The following ACACA variants were observed in gnomAD, a reference collection of about 807,000 sequenced individuals.
ACACA encodes acetyl-CoA carboxylase 1.
Under a neutral mutation model 296.1 loss-of-function variants are expected in ACACA, and 103 were observed. That is an observed-to-expected ratio of 0.35 (90% CI 0.30 to 0.41). The LOEUF is 0.41. Ranked by LOEUF, ACACA falls within the 10% of genes least tolerant of loss-of-function variation. ACACA has a pLI of 1.00. For synonymous variants in ACACA, 953 were observed against 1,038.6 expected, an observed-to-expected ratio of 0.92 and a Z score of 1.58; for missense variants, 1,554 against 2,989.7, an observed-to-expected ratio of 0.52 and a Z score of 11.20.
chr17:37,396,994 C>G (rs564594498), intron 1 of ACACA, among the ~76,000 whole-genome samples: 157 of 152,160 alleles, frequency 1.0e-3, no homozygotes, highest in African/African-American at 3.7e-3. Flanking sequence ...CCCATTAACT[C>G]GTCATTTACA....
intron 1 of ACACA, among the ~76,000 whole-genome samples, chr17:37,373,820 G>T (rs1379172740): frequency 2.0e-5 from 3 of 152,120 alleles, no homozygotes; most frequent in African/African-American, 7.2e-5. Flanking sequence ...TAATACCTCA[G>T]GGGAGCAGAG....
At position 37,186,254 on chromosome 17, in the gene ACACA, T is replaced by C. The variant is rs564361570; in HGVS notation, c.4776+2023A>G. Reference sequence around the variant, plus strand: ...TCACCAGAAGCCATCAAAATTATTTTAGAAAATAATTTCTGACCCATAGTC... The same window carrying C: ...TCACCAGAAGCCATCAAAATTATTTCAGAAAATAATTTCTGACCCATAGTC... On this transcript the variant is annotated intron_variant, in intron 39 of 55. Coordinates refer to ENST00000616317, the MANE Select transcript of ACACA (RefSeq NM_198834.3). 2.6e-5 allele frequency among the ~76,000 whole-genome samples: 4 copies of C among 152,370 alleles called. No individual in the cohort carries two copies. In the South Asian group the frequency reaches 8.3e-4, roughly 32 times the overall value.
chr17:37,090,575 G>C (rs1263371918), intron 54 of ACACA, among the ~76,000 whole-genome samples: 1 of 152,132 alleles, frequency 6.6e-6, no homozygotes, highest in Non-Finnish European at 1.5e-5. Context: ...GCCTGGGTTA[G>C]GACTCCCAGC....
chr17:37,203,072 T>C lies in ACACA; in HGVS notation c.4057-2589A>G, dbSNP rs1009252316. 1.8e-4 allele frequency among the ~76,000 whole-genome samples: 28 copies of C among 151,960 alleles called. No homozygotes were observed. The East Asian group carries it at 5.5e-3, about 30-fold the overall frequency. Reference sequence around the variant, plus strand: ...CCGCCCCCAGGTTCAAGCGATTCTCTTGCCTTAGCCACCCGAGTAGCTGGC... The same window carrying C: ...CCGCCCCCAGGTTCAAGCGATTCTCCTGCCTTAGCCACCCGAGTAGCTGGC... On this transcript the variant is annotated intron_variant, in intron 33 of 55. Transcript: ENST00000616317.
intron 13 of ACACA, 27 bp from the exon 14 acceptor site, chr17:37,257,893 C>A: frequency 6.2e-7 from 1 of 1,611,732 alleles, no homozygotes; most frequent in Non-Finnish European, 8.5e-7. Flanking sequence ...AATGAGAGAC[C>A]ATATTATGTT....
intron 1 of ACACA, among the ~76,000 whole-genome samples, chr17:37,349,792 C>T (rs2048813010): frequency 6.6e-6 from 1 of 151,986 alleles, no homozygotes; most frequent in African/African-American, 2.4e-5. Flanking sequence ...CTTCTGACCT[C>T]AAGTGATCCG....
At chr17:37,181,981 C>G (rs891594298) in intron 39 of ACACA, among the ~76,000 whole-genome samples, 1 of 149,392 alleles carries the variant, frequency 6.7e-6, no homozygotes, top group Non-Finnish European at 1.5e-5. Flanking sequence ...GACAGACTGA[C>G]CATGCTAGCC....
chr17:37,162,322 C>G (rs890531976), intron 41 of ACACA, among the ~76,000 whole-genome samples: 3 of 152,154 alleles, frequency 2.0e-5, no homozygotes, highest in African/African-American at 7.2e-5. Flanking sequence ...AATCTAAATG[C>G]ACTCAGGATA....
At chr17:37,211,120 C>T (rs897830028) in intron 29 of ACACA, among the ~76,000 whole-genome samples, 4 of 152,066 alleles carry the variant, frequency 2.6e-5, no homozygotes, top group Non-Finnish European at 5.9e-5. Flanking sequence ...ATTCTAGGAG[C>T]TTAAAAGAAC....
Position 37,122,641 on chromosome 17 carries a change from A to G in ACACA, c.6042-14T>C, listed in dbSNP as rs761957146. On this transcript the variant is annotated splice_polypyrimidine_tract_variant and intron_variant, in intron 48 of 55. Transcript: ENST00000616317. ...ATTCCTCCTAGCCTGATAAAACATG[A>G]GTCACATAAGAACCCAATGTATGTC... 6.7e-5 allele frequency: 107 copies of G among 1,608,552 alleles called. No individual in the cohort carries two copies. The highest frequency in any genetic ancestry group is 8.6e-5 in the Non-Finnish European group (101 of 1,174,942).
chr17:37,215,104 C>T (rs1458894710), intron 29 of ACACA, among the ~76,000 whole-genome samples: 1 of 152,154 alleles, frequency 6.6e-6, no homozygotes, highest in Non-Finnish European at 1.5e-5. Context: ...AAAACACATG[C>T]TATCAGGGGA....
At position 37,334,733 on chromosome 17, in the gene ACACA, G is replaced by A. The variant is rs551076669; in HGVS notation, c.86-4308C>T. On this transcript the variant is annotated intron_variant, in intron 2 of 55. Transcript: ENST00000616317. ...CCCCCTTTCACTCTCACTGCACCCC[G>A]TCCATGCCACTGCACCCCGTCCATG... is the stretch of plus-strand genomic sequence containing the variant. Among the ~76,000 whole-genome samples, 7 of 147,654 alleles carry A rather than the reference G, an allele frequency of 4.7e-5. No homozygotes were observed. The South Asian group carries it at 8.6e-4, about 18-fold the overall frequency.
intron 45 of ACACA, chr17:37,144,283 T>C: frequency 3.3e-6 from 2 of 602,248 alleles, no homozygotes. Flanking sequence ...TAGGATCTCC[T>C]TTGCCCATGT....
chr17:37,262,335 T>C (rs1296096204), intron 11 of ACACA, among the ~76,000 whole-genome samples: 3 of 152,212 alleles, frequency 2.0e-5, no homozygotes, highest in Admixed American at 1.3e-4. Flanking sequence ...GACTTCAAGA[T>C]CATGCTTCCA....
Position 37,113,042 on chromosome 17 carries a change from A to G in ACACA, c.6452+46T>C. The G allele has an allele frequency of 1.2e-6, 2 of 1,610,584 alleles. No homozygotes were observed. Among genetic ancestry groups the G allele is most frequent in the Non-Finnish European group, 1.7e-6 (2 of 1,177,754 alleles). ...ATTCTCCAGGAGGAAACCAACAGCTACAGGGTCCCTAAAGGCAGTGAATGG... is the reference window on the plus strand; with the variant it reads ...ATTCTCCAGGAGGAAACCAACAGCTGCAGGGTCCCTAAAGGCAGTGAATGG... On this transcript the variant is annotated intron_variant, in intron 51 of 55. Coordinates refer to ENST00000616317, the MANE Select transcript of ACACA (RefSeq NM_198834.3). This position sits in a 1 kb window ranked among gnomAD's most constrained non-coding sequence, Gnocchi z 4.0.
At chr17:37,346,834 T>C (rs866365405) in intron 1 of ACACA, among the ~76,000 whole-genome samples, 3 of 152,222 alleles carry the variant, frequency 2.0e-5, no homozygotes, top group Admixed American at 6.5e-5. Context: ...TGTATTTCCA[T>C]TGTATCTAGG....
chr17:37,101,440 G>C (rs538431180), intron 52 of ACACA, among the ~76,000 whole-genome samples: 1 of 149,948 alleles, frequency 6.7e-6, no homozygotes, highest in South Asian at 2.1e-4. Context: ...AACCTTAGGA[G>C]TCTGGTATTC....
At chr17:37,402,018 C>G (rs878520) in intron 1 of ACACA, among the ~76,000 whole-genome samples, 111,996 of 152,106 alleles carry the variant, frequency 0.74, 42,026 homozygotes, top group East Asian at 0.97. Flanking sequence ...TTTTCAGTTA[C>G]TTATGAATGA....
rs9902122 is a variant in ACACA, at chr17:37,402,839, A to C, written c.38+3423T>G. ...AGGCGCCCACCACCACGCCCGGCTA[A>C]TTTTTTGTATTTTTAGTTGAGATGG... On this transcript the variant is annotated intron_variant, in intron 1 of 55. Transcript: ENST00000616317. Among the ~76,000 whole-genome samples the C allele has an allele frequency of 4.1e-3, 627 of 151,952 alleles. 5 individuals are homozygous for C. Among genetic ancestry groups the C allele is most frequent in the African/African-American group, 0.014 (590 of 41,428 alleles).
Sources: gnomAD v4.1 joint callset for allele counts (sites outside exome capture counted in the v4.1 genomes callset) on GRCh38, gnomAD v4.1.1 for gene constraint, Gnocchi (gnomAD v3.1) non-coding constraint, MANE v1.5 for transcripts, NCBI Gene and HGNC (gene_info 2026-07-23, HGNC 2026-07-21) for gene names.